PZP: variants seen among roughly 807,000 people sequenced by gnomAD.
PZP encodes the protein PZP alpha-2-macroglobulin like, also known as pregnancy zone protein.
Under a neutral mutation model 179.8 loss-of-function variants are expected in PZP, and 150 were observed. The ratio of observed to expected loss-of-function variants is 0.83; its 90% CI spans 0.73 to 0.96. The LOEUF is 0.96. Ranked by LOEUF, PZP falls within the 40% of genes least tolerant of loss-of-function variation. The pLI, the probability that PZP is intolerant of heterozygous loss-of-function variation, is 0.00. For missense variants in PZP, 1,689 were observed against 1,764.0 expected (o/e 0.96, Z 0.76); for synonymous variants, 624 against 652.3 (o/e 0.96, Z 0.66).
intron 33 of PZP, 82 bp from the exon 34 acceptor site, chr12:9,150,828 T>C: frequency 1.1e-6 from 1 of 887,878 alleles, no homozygotes; most frequent in Non-Finnish European, 1.8e-6. Flanking sequence ...TTATTGTTCT[T>C]TGACTCTTTT....
At chr12:9,187,951 G>A (rs894914315) in intron 13 of PZP, among the ~76,000 whole-genome samples, 5 of 152,252 alleles carry the variant, frequency 3.3e-5, no homozygotes, top group African/African-American at 1.2e-4. Flanking sequence ...ACCCTGATGG[G>A]GGTGGGGTGG....
At chr12:9,186,241 C>T (rs1943111415) in intron 13 of PZP, among the ~76,000 whole-genome samples, 1 of 152,160 alleles carries the variant, frequency 6.6e-6, no homozygotes, top group Non-Finnish European at 1.5e-5. Flanking sequence ...ATCCAACTTG[C>T]AAGAGCTCCA....
intron 22 of PZP, chr12:9,162,257 C>T (rs1258390461): frequency 2.5e-5 from 5 of 196,150 alleles, no homozygotes; most frequent in East Asian, 1.3e-4. Flanking sequence ...CCACCACACC[C>T]GGCTAACCCT....
rs760339155 is a variant in PZP at position 9,202,536 on chromosome 12, G to C, written c.416C>G (p.Pro139Arg). The stretch of plus-strand genomic sequence containing the variant: ...ATTTCCCTACTTACCTGTCTGTCCT[G>C]GTTTATACATGGGTTTGTCTGTCTG... ...FVQTDKPMYK[P>R]GQTVRFRVVS... Residue 139 changes from proline to arginine, a missense_variant, in exon 3 of 36, where the codon CCA becomes CGA. By Grantham distance (103) the Pro-to-Arg change is moderately radical (BLOSUM62 -2). This residue lies in a region of PZP where 742 missense variants were observed against 730.5 expected (regional missense o/e 1.02). Transcript: ENST00000261336. The C allele has an allele frequency of 1.9e-6, 3 of 1,613,938 alleles. No homozygotes were observed. Among genetic ancestry groups the C allele is most frequent in the Non-Finnish European group, 2.5e-6 (3 of 1,180,006 alleles).
At chr12:9,138,575 G>A in the PZP span, among the ~76,000 whole-genome samples, 1 of 151,738 alleles carries the variant, frequency 6.6e-6, no homozygotes, top group African/African-American at 2.4e-5. Context: ...AGACTGATTG[G>A]CACTTTTTTA....
rs73249131 is a variant in PZP at position 9,192,754 on chromosome 12, A to G, written c.1255-15T>C. Reference sequence around the variant, plus strand: ...ACAGTGAAAACCTGAGTAAACAGAAAAGCAAAGAAAGAATACTGTCTTGAA... The same window carrying G: ...ACAGTGAAAACCTGAGTAAACAGAAGAGCAAAGAAAGAATACTGTCTTGAA... On this transcript the variant is annotated splice_polypyrimidine_tract_variant and intron_variant, in intron 11 of 35. Transcript: ENST00000261336. 3,693 of 1,532,408 alleles carry G rather than the reference A, an allele frequency of 2.4e-3. 78 individuals are homozygous for G. The African/African-American group carries it at 0.045, about 19-fold the overall frequency. 94.9% of individuals were successfully genotyped at this position (1,532,408 alleles called of 1,614,324 possible).
In PZP at chr12:9,148,894, T is replaced by C. The variant is rs1940150077; in HGVS notation, c.*78A>G. ...GCAAATATTTTTAGTGTCTATTTTA[T>C]AGAGACAAATAACTCCATTCCTTCT... On this transcript the variant is annotated 3_prime_UTR_variant, in exon 36 of 36. Transcript: ENST00000261336. 1 of 1,291,148 alleles carries C rather than the reference T, an allele frequency of 7.7e-7. No individual in the cohort carries two copies. The highest frequency in any genetic ancestry group is 1.1e-6 in the Non-Finnish European group (1 of 901,606). The allele number at this position is 1,291,148 out of a possible 1,614,324, so 80.0% of individuals were successfully genotyped here.
Position 9,170,263 on chromosome 12 carries a change from C to T in PZP, c.1840-672G>A, listed in dbSNP as rs969638055. The T allele has an allele frequency of 6.6e-6, 1 of 152,108 alleles. No individual in the cohort carries two copies. Among genetic ancestry groups the T allele is most frequent in the Admixed American group, 6.5e-5 (1 of 15,268 alleles). The allele number at this position is 152,108 out of a possible 1,614,324, so 9.4% of individuals were successfully genotyped here. On this transcript the variant is annotated intron_variant, in intron 15 of 35. Coordinates refer to ENST00000261336, the MANE Select transcript of PZP (RefSeq NM_002864.3). The surrounding 1 kb of genome is among the most constrained non-coding windows in gnomAD (Gnocchi z 4.6). ...CTCGCCTGGGAAATCACATTTCTCCCAAGGATCTCTGCAACCCATGGATCA... is the reference window on the plus strand; with the variant it reads ...CTCGCCTGGGAAATCACATTTCTCCTAAGGATCTCTGCAACCCATGGATCA...
chr12:9,206,215 T>G (rs1287323601), intron 1 of PZP, among the ~76,000 whole-genome samples: 1 of 151,838 alleles, frequency 6.6e-6, no homozygotes, highest in Non-Finnish European at 1.5e-5. Context: ...TCAAAAAATT[T>G]TTCCTTTAGT....
At chr12:9,137,439 A>G in the PZP span, among the ~76,000 whole-genome samples, 2 of 152,048 alleles carry the variant, frequency 1.3e-5, no homozygotes, top group African/African-American at 4.8e-5. Context: ...TTTGTACTAA[A>G]TTTTGAAATT....
At chr12:9,189,693 A>G (rs1943344076) in intron 13 of PZP, among the ~76,000 whole-genome samples, 1 of 152,240 alleles carries the variant, frequency 6.6e-6, no homozygotes, top group South Asian at 2.1e-4. Context: ...CTATCAATAG[A>G]GTAAACAGAC....
At chr12:9,166,237 ACATT>A (rs1190366371) in intron 17 of PZP, 35 bp from the exon 18 acceptor site, 1 of 1,601,230 alleles carries the variant, frequency 6.2e-7, no homozygotes, top group East Asian at 2.2e-5. Context: ...TTAGGGAAAA[ACATT>A]CATTAATTTC....
At position 9,181,102 on chromosome 12, in the gene PZP, G is replaced by C. The variant is rs1464421353; in HGVS notation, c.1720C>G (p.Pro574Ala). The part of the protein sequence containing the change: ...VDLSFSPAQS[P>A]PASHAHLQVA... ...TGCAGGTGGGCATGTGAGGCTGGGG[G>C]ACTTTGTGCTGGGCTGAAGCTCAAA... Residue 574 changes from proline (P) to alanine (A), a missense_variant, in exon 15 of 36, where the codon CCC becomes GCC. Physicochemically the swap from Pro to Ala is conservative, Grantham distance 27. Coordinates refer to ENST00000261336, the MANE Select transcript of PZP (RefSeq NM_002864.3). 1 of 1,614,006 alleles carries C rather than the reference G, an allele frequency of 6.2e-7. No individual in the cohort carries two copies. Among genetic ancestry groups the C allele is most frequent in the African/African-American group, 1.3e-5 (1 of 74,930 alleles).
chr12:9,197,739 T>C, intron 7 of PZP, among the ~76,000 whole-genome samples: 1 of 89,634 alleles, frequency 1.1e-5, no homozygotes, highest in African/African-American at 5.1e-5. Flanking sequence ...TTATATATTA[T>C]ACAATACATA....
rs746708411 is a variant in PZP at position 9,197,144 on chromosome 12, CA to C, written c.756-22del. On this transcript the variant is annotated intron_variant, in intron 7 of 35. Transcript: ENST00000261336. The stretch of plus-strand genomic sequence containing the variant: ...TGTATCTGGTACATGAGAAATAAAT[CA>C]GGAATTGAGAATGGCTGTTTGCATT... 3.3e-6 allele frequency: 5 copies of C among 1,527,734 alleles called. No homozygotes were observed. The South Asian group carries it at 5.6e-5, about 17-fold the overall frequency. 94.6% of individuals were successfully genotyped at this position (1,527,734 alleles called of 1,614,324 possible). A position where few individuals can be genotyped will look rare whatever the true frequency, so the allele number is the denominator to read the frequency against.
chr12:9,171,949 C>T (rs1190882296), intron 15 of PZP, among the ~76,000 whole-genome samples: 1 of 152,166 alleles, frequency 6.6e-6, no homozygotes, highest in Non-Finnish European at 1.5e-5. Context: ...CTTCCCCAAC[C>T]TAGCAAGACA....
intron 1 of PZP, among the ~76,000 whole-genome samples, chr12:9,205,856 A>T (rs1592578285): frequency 6.6e-6 from 1 of 152,322 alleles, no homozygotes. Flanking sequence ...AGGATAATTG[A>T]GTTGTGGAAT....
intron 4 of PZP, among the ~76,000 whole-genome samples, chr12:9,201,776 T>C (rs983618245): frequency 1.2e-4 from 19 of 152,246 alleles, no homozygotes; most frequent in Middle Eastern, 3.4e-3. Context: ...CAAGAATATT[T>C]CTTCTAATTT....
intron 10 of PZP, among the ~76,000 whole-genome samples, chr12:9,194,833 T>C (rs1042185713): frequency 6.6e-6 from 1 of 152,096 alleles, no homozygotes. Flanking sequence ...ATAAAAGAAA[T>C]GAATTTAAAC....
Sources: gnomAD v4.1 joint callset for allele counts (sites outside exome capture counted in the v4.1 genomes callset) on GRCh38, gnomAD v4.1.1 for gene constraint, gnomAD v4.1.1 regional missense constraint, Gnocchi (gnomAD v3.1) non-coding constraint, MANE v1.5 for transcripts, NCBI Gene and HGNC (gene_info 2026-07-23, HGNC 2026-07-21) for gene names.